The following ANK2 variants were observed in gnomAD, a reference collection of about 807,000 sequenced individuals.
ANK2 encodes the protein ankyrin-2.
Under a neutral mutation model 360.5 loss-of-function variants are expected in ANK2, and 83 were observed. The observed-to-expected ratio is 0.23, with a 90% confidence interval of 0.19 to 0.28. The LOEUF (loss-of-function observed/expected upper bound fraction) is 0.28. ANK2 is among the 10% of genes least tolerant of loss of function. The probability of loss-of-function intolerance (pLI) is 1.00; values close to 1 mark genes in which losing one functional copy is unlikely to be tolerated. For missense variants in ANK2, 4,201 were observed against 4,795.7 expected, an observed-to-expected ratio of 0.88 and a Z score of 3.66; for synonymous variants, 1,740 against 1,759.5, an observed-to-expected ratio of 0.99 and a Z score of 0.28.
chr4:112,790,799 T>C, the ANK2 span, among the ~76,000 whole-genome samples: 1 of 152,172 alleles, frequency 6.6e-6, no homozygotes, highest in Non-Finnish European at 1.5e-5. Flanking sequence ...ACTGTTCCTT[T>C]CTTAAGGGGC....
chr4:112,980,340 G>A (rs1158918992), intron 2 of ANK2: 1 of 152,794 alleles, frequency 6.5e-6, no homozygotes, highest in Non-Finnish European at 1.5e-5. Flanking sequence ...TGGGTTTGGA[G>A]CTGTGGCTGT....
At chr4:112,941,450 C>A (rs2094200974) in intron 2 of ANK2, among the ~76,000 whole-genome samples, 1 of 142,340 alleles carries the variant, frequency 7.0e-6, no homozygotes, top group African/African-American at 2.5e-5. Flanking sequence ...ATACATATAT[C>A]TTTTATAAAT....
At chr4:113,225,754 CT>C (rs1414351886) in intron 4 of ANK2, among the ~76,000 whole-genome samples, 1 of 152,120 alleles carries the variant, frequency 6.6e-6, no homozygotes, top group Non-Finnish European at 1.5e-5. Flanking sequence ...AAATCTACAT[CT>C]GATATGTAAA....
At chr4:113,129,275 A>G (rs914718971) in intron 1 of ANK2, among the ~76,000 whole-genome samples, 2 of 152,216 alleles carry the variant, frequency 1.3e-5, no homozygotes, top group Non-Finnish European at 2.9e-5. Context: ...GGCAATCAGC[A>G]ATCTAGCTTG....
chr4:112,870,352 G>A (rs974024256), intron 1 of ANK2, among the ~76,000 whole-genome samples: 6 of 152,218 alleles, frequency 3.9e-5, no homozygotes, highest in Admixed American at 3.9e-4. Flanking sequence ...TTGCACCTTT[G>A]GTGTCATATC....
At chr4:112,757,419 C>G in the ANK2 span, among the ~76,000 whole-genome samples, 1 of 152,182 alleles carries the variant, frequency 6.6e-6, no homozygotes. Flanking sequence ...CGGCTGACAG[C>G]AGTGACTTTT....
chr4:112,998,642 A>T (rs1186789350), intron 2 of ANK2, among the ~76,000 whole-genome samples: 1 of 152,156 alleles, frequency 6.6e-6, no homozygotes, highest in Non-Finnish European at 1.5e-5. Context: ...GTGGTTGGTT[A>T]AAAAAATTAG....
chr4:113,306,860 G>A (rs989520579), intron 23 of ANK2, among the ~76,000 whole-genome samples: 1 of 152,166 alleles, frequency 6.6e-6, no homozygotes, highest in Non-Finnish European at 1.5e-5. Context: ...CATCCTTATG[G>A]AGGAATATGG....
rs755518481 is a variant in ANK2, at chr4:113,353,330, G to C, written c.4712G>C (p.Cys1571Ser). 14 of 1,613,940 alleles carry C rather than the reference G, an allele frequency of 8.7e-6. No individual in the cohort carries two copies. In the South Asian group the frequency reaches 1.4e-4, roughly 16 times the overall value. ...AATGAAATCCTGAGAAGTGGAACCT[G>C]CACAAGAGATGAAAGCAGTGTGCAG... The part of the protein sequence containing the change: ...KVNEILRSGT[C>S]TRDESSVQSS... Residue 1571 changes from cysteine (C) to serine (S), a missense_variant, in exon 38 of 46, where the codon TGC becomes TCC. Around this residue, in one of 4 missense-constraint regions of ANK2, gnomAD observed 1,268 missense variants for 1,650.8 expected, o/e 0.77. Coordinates refer to ENST00000357077, the MANE Select transcript of ANK2 (RefSeq NM_001148.6).
At chr4:113,370,550 G>A (rs1015950521) in intron 43 of ANK2, among the ~76,000 whole-genome samples, 6 of 152,180 alleles carry the variant, frequency 3.9e-5, no homozygotes, top group Middle Eastern at 3.4e-3. Flanking sequence ...ATGAGGTCAG[G>A]AGATCGAGAC....
the ANK2 span, among the ~76,000 whole-genome samples, chr4:112,776,156 G>GA: frequency 2.0e-5 from 3 of 152,180 alleles, no homozygotes; most frequent in South Asian, 6.2e-4. Context: ...TGTAAGGGAA[G>GA]AAAAACATCC....
chr4:113,108,530 C>T (rs1029104611), intron 1 of ANK2, among the ~76,000 whole-genome samples: 1 of 152,108 alleles, frequency 6.6e-6, no homozygotes, highest in African/African-American at 2.4e-5. Context: ...GAAGAATGTA[C>T]ACATATTATA....
intron 4 of ANK2, among the ~76,000 whole-genome samples, chr4:113,231,439 A>T (rs1445066875): frequency 6.6e-6 from 1 of 152,234 alleles, no homozygotes; most frequent in Non-Finnish European, 1.5e-5. Context: ...GGTGCTAACT[A>T]AACTCTGTAT....
chr4:112,943,230 A>T (rs763205738), intron 2 of ANK2, among the ~76,000 whole-genome samples: 26 of 152,084 alleles, frequency 1.7e-4, no homozygotes, highest in Non-Finnish European at 5.9e-5. Context: ...TACATCATAG[A>T]TGCTAATGTC....
Position 113,288,383 on chromosome 4 carries a change from T to G in ANK2, c.2179-5T>G. Reference sequence around the variant, plus strand: ...CTATTTTTAACTTTTTATTATTATTTACAGCTTGGTTACACACCTTTAATT... The same window carrying G: ...CTATTTTTAACTTTTTATTATTATTGACAGCTTGGTTACACACCTTTAATT... On this transcript the variant is annotated splice_region_variant and splice_polypyrimidine_tract_variant and intron_variant, in intron 19 of 45. Transcript: ENST00000357077. The G allele has an allele frequency of 6.2e-7, 1 of 1,611,424 alleles. No individual in the cohort carries two copies. Among genetic ancestry groups the G allele is most frequent in the Non-Finnish European group, 8.5e-7 (1 of 1,177,776 alleles).
the ANK2 span, chr4:112,788,311 T>A: frequency 6.4e-7 from 1 of 1,569,422 alleles, no homozygotes; most frequent in Non-Finnish European, 8.7e-7. Context: ...GGACGAGACG[T>A]CCCAGTCTTG....
chr4:113,268,868 C>T (rs540500323), intron 14 of ANK2, among the ~76,000 whole-genome samples: 131 of 152,224 alleles, frequency 8.6e-4, no homozygotes, highest in African/African-American at 3.1e-3. Context: ...GCTGTGAATC[C>T]GTCTGGTCCT....
chr4:113,079,900 T>TAA (rs1561912956), intron 1 of ANK2, among the ~76,000 whole-genome samples: 2 of 139,076 alleles, frequency 1.4e-5, no homozygotes, highest in African/African-American at 3.0e-5. Flanking sequence ...CCTGAGAATT[T>TAA]TTTTTTTTTT....
intron 14 of ANK2, among the ~76,000 whole-genome samples, chr4:113,270,372 C>A (rs1478465411): frequency 6.6e-6 from 1 of 152,088 alleles, no homozygotes; most frequent in Non-Finnish European, 1.5e-5. Flanking sequence ...CCCTCTGAAG[C>A]CTCTTCCTTA....
Sources: allele counts gnomAD v4.1 joint callset (sites outside exome capture counted in the v4.1 genomes callset), GRCh38; gene constraint gnomAD v4.1.1; regional missense constraint gnomAD v4.1.1; transcripts MANE v1.5; gene names NCBI Gene and HGNC (gene_info 2026-07-23, HGNC 2026-07-21).